CHRM3: variants seen among roughly 807,000 people sequenced by gnomAD.
CHRM3 encodes the protein muscarinic acetylcholine receptor M3.
In CHRM3, 11 loss-of-function variants were observed where a neutral mutation model predicts 41.8. That is an observed-to-expected ratio of 0.26 (90% confidence interval 0.17 to 0.44). The LOEUF (loss-of-function observed/expected upper bound fraction) is 0.44. CHRM3 is among the 20% of genes least tolerant of loss of function. The probability of loss-of-function intolerance (pLI) is 1.00; values close to 1 mark genes in which losing one functional copy is unlikely to be tolerated. For missense variants in CHRM3, 571 were observed against 745.4 expected (o/e 0.77, Z 2.72); for synonymous variants, 297 against 301.4 (o/e 0.99, Z 0.15).
chr1:239,793,803 A>ATTTTTTTTTTTTTTT lies in CHRM3; in HGVS notation c.-146-33438_-146-33424dup, dbSNP rs67460907. Among the ~76,000 whole-genome samples, 4 of 69,498 alleles carry ATTTTTTTTTTTTTTT rather than the reference A, an allele frequency of 5.8e-5. 1 individual carries two copies. The highest frequency in any genetic ancestry group is 1.3e-3 in the South Asian group (2 of 1,536). 45.6% of individuals were successfully genotyped at this position (69,498 alleles called of 152,430 possible). On this transcript the variant is annotated intron_variant, in intron 5 of 6. Coordinates refer to ENST00000676153, the MANE Select transcript of CHRM3 (RefSeq NM_001375978.1). ...TGAACTTGTCAGAAATGAAATGTGT[A>ATTTTTTTTTTTTTTT]TTTTTTTTTTTTTTTTTTTTTTTTT...
At chr1:239,505,023 A>C (rs1668475222) in intron 2 of CHRM3, among the ~76,000 whole-genome samples, 1 of 152,164 alleles carries the variant, frequency 6.6e-6, no homozygotes, top group African/African-American at 2.4e-5. Context: ...GAACTTACTC[A>C]TGTAACCAAA....
At chr1:239,835,131 TCC>T (rs1455462541) in intron 6 of CHRM3, among the ~76,000 whole-genome samples, 1 of 152,164 alleles carries the variant, frequency 6.6e-6, no homozygotes, top group African/African-American at 2.4e-5. Flanking sequence ...TAAACATGTT[TCC>T]CCCTTTAGCA....
chr1:239,618,703 G>C (rs1418444990), intron 3 of CHRM3, among the ~76,000 whole-genome samples: 2 of 150,638 alleles, frequency 1.3e-5, no homozygotes, highest in Admixed American at 1.3e-4. Context: ...AATTAGCTGG[G>C]CGTGGTGGCA....
rs540121765 is a variant in CHRM3, at chr1:239,577,410, T to C, written c.-313+31661T>C. On this transcript the variant is annotated intron_variant, in intron 3 of 6. Coordinates refer to ENST00000676153, the MANE Select transcript of CHRM3 (RefSeq NM_001375978.1). ...ATGTTCAGGGACAATAAGATGTTCA[T>C]TGAAAATACGTAATGACTGAAGTTC... is the stretch of plus-strand genomic sequence containing the variant. Among the ~76,000 whole-genome samples the C allele has an allele frequency of 4.6e-5, 7 of 152,298 alleles. No homozygotes were observed. In the South Asian group the frequency reaches 1.4e-3, roughly 32 times the overall value.
chr1:239,586,103 C>T (rs1384583589), intron 3 of CHRM3, among the ~76,000 whole-genome samples: 2 of 152,168 alleles, frequency 1.3e-5, no homozygotes, highest in Non-Finnish European at 2.9e-5. Context: ...TCCCTGCCCT[C>T]CCGTGGGAGG....
intron 1 of CHRM3, among the ~76,000 whole-genome samples, chr1:239,463,096 G>A (rs911165691): frequency 6.6e-6 from 1 of 152,100 alleles, no homozygotes; most frequent in Admixed American, 6.5e-5. Flanking sequence ...AACAAAGTGA[G>A]GAATAGTCAC....
intron 5 of CHRM3, among the ~76,000 whole-genome samples, chr1:239,680,723 T>C (rs1658478168): frequency 6.6e-6 from 1 of 152,078 alleles, no homozygotes; most frequent in South Asian, 2.1e-4. Flanking sequence ...TGTGTGTGTG[T>C]GTGTGGTTGG....
In CHRM3 at chr1:239,908,955, A is replaced by G. The variant is rs1680193624; in HGVS notation, c.1504A>G (p.Ile502Val). The G allele has an allele frequency of 4.3e-6, 7 of 1,614,174 alleles. No homozygotes were observed. The highest frequency in any genetic ancestry group is 2.7e-5 in the African/African-American group (2 of 75,038). ...CAGTGCGATCTTGCTTGCCTTCATC[A>G]TCACTTGGACCCCATACAACATCAT... The part of the protein sequence containing the change: ...TLSAILLAFI[I>V]TWTPYNIMVL... The change falls in exon 7 of 7, where the codon ATC (isoleucine) becomes GTC (valine). Residue 502 changes from isoleucine (I) to valine (V), a missense_variant. Coordinates refer to ENST00000676153, the MANE Select transcript of CHRM3 (RefSeq NM_001375978.1). This position sits in a 1 kb window ranked among gnomAD's most constrained non-coding sequence, Gnocchi z 7.2.
chr1:239,835,238 G>A (rs76752761), intron 6 of CHRM3, among the ~76,000 whole-genome samples: 2,523 of 152,276 alleles, frequency 0.017, 79 homozygotes, highest in African/African-American at 0.057. Context: ...CGGATCCTCC[G>A]TGCCAGCATG....
chr1:239,392,803 T>G (rs1222036563), intron 1 of CHRM3, among the ~76,000 whole-genome samples: 1 of 152,192 alleles, frequency 6.6e-6, no homozygotes, highest in African/African-American at 2.4e-5. Context: ...TTTGTCTACA[T>G]TTTTTAAGAC....
At chr1:239,728,229 A>G (rs919182212) in intron 5 of CHRM3, among the ~76,000 whole-genome samples, 2 of 151,902 alleles carry the variant, frequency 1.3e-5, no homozygotes, top group Non-Finnish European at 2.9e-5. Context: ...CAACATTCCC[A>G]CTGACAGAAG....
chr1:239,539,338 G>A (rs1293285956), intron 2 of CHRM3, among the ~76,000 whole-genome samples: 3 of 152,190 alleles, frequency 2.0e-5, no homozygotes, highest in Admixed American at 6.5e-5. Flanking sequence ...ACTCCCCTAA[G>A]ATGAAAGTCT....
chr1:239,712,432 G>A (rs1661901227), intron 5 of CHRM3, among the ~76,000 whole-genome samples: 1 of 152,118 alleles, frequency 6.6e-6, no homozygotes, highest in African/African-American at 2.4e-5. Context: ...TTTTTTGAAA[G>A]TTGAAAATGA....
intron 1 of CHRM3, among the ~76,000 whole-genome samples, chr1:239,474,014 G>A (rs1011027065): frequency 1.6e-4 from 24 of 152,080 alleles, no homozygotes; most frequent in African/African-American, 5.8e-4. Context: ...ACAAGAAAAA[G>A]TGCTAATATT....
chr1:239,724,891 G>C (rs933888136), intron 5 of CHRM3, among the ~76,000 whole-genome samples: 1 of 151,678 alleles, frequency 6.6e-6, no homozygotes, highest in Non-Finnish European at 1.5e-5. Flanking sequence ...AGTTCAAGCG[G>C]TCCTCCTGCC....
In CHRM3 at chr1:239,389,718, A is replaced by G. The variant is rs557984158; in HGVS notation, c.-521+2491A>G. Reference sequence around the variant, plus strand: ...GTATTTGTAAATTATAAAGTAATACATATTTTCAGATTTTTAGTTAAAATC... The same window carrying G: ...GTATTTGTAAATTATAAAGTAATACGTATTTTCAGATTTTTAGTTAAAATC... On this transcript the variant is annotated intron_variant, in intron 1 of 6. Coordinates refer to ENST00000676153, the MANE Select transcript of CHRM3 (RefSeq NM_001375978.1). 7.2e-5 allele frequency among the ~76,000 whole-genome samples: 11 copies of G among 152,356 alleles called. No homozygotes were observed. In the South Asian group the frequency reaches 1.9e-3, roughly 26 times the overall value.
intron 2 of CHRM3, among the ~76,000 whole-genome samples, chr1:239,534,906 A>C (rs945457758): frequency 2.0e-5 from 3 of 152,238 alleles, no homozygotes; most frequent in Admixed American, 6.5e-5. Context: ...AAGCTTGAGT[A>C]AAGACTTATT....
rs149095915 is a variant in CHRM3 at position 239,852,777 on chromosome 1, A to C, written c.-20+25399A>C. Among the ~76,000 whole-genome samples the C allele has an allele frequency of 6.1e-3, 929 of 152,302 alleles. 6 individuals are homozygous for C. The highest frequency in any genetic ancestry group is 8.0e-3 in the Non-Finnish European group (544 of 68,004). ...GTTCATGGCACATGGCACATAGGTC[A>C]TGACAAAATATTTTCATGAGATTAA... On this transcript the variant is annotated intron_variant, in intron 6 of 6. Transcript: ENST00000676153.
Position 239,683,716 on chromosome 1 carries a change from T to C in CHRM3, c.-147+5428T>C, listed in dbSNP as rs551277972. Among the ~76,000 whole-genome samples, 28 of 152,326 alleles carry C rather than the reference T, an allele frequency of 1.8e-4. No homozygotes were observed. In the South Asian group the frequency reaches 5.6e-3, roughly 30 times the overall value. On this transcript the variant is annotated intron_variant, in intron 5 of 6. Coordinates refer to ENST00000676153, the MANE Select transcript of CHRM3 (RefSeq NM_001375978.1). Reference sequence around the variant, plus strand: ...AGAAACAGCTCTACTTGTGAACAGCTGAATAGCTTCTGAAGTCATCCAGTC... The same window carrying C: ...AGAAACAGCTCTACTTGTGAACAGCCGAATAGCTTCTGAAGTCATCCAGTC...
Sources: gnomAD v4.1 joint callset for allele counts (sites outside exome capture counted in the v4.1 genomes callset) on GRCh38, gnomAD v4.1.1 for gene constraint, Gnocchi (gnomAD v3.1) non-coding constraint, MANE v1.5 for transcripts, NCBI Gene and HGNC (gene_info 2026-07-23, HGNC 2026-07-21) for gene names.